The following FBXL7 variants were observed in gnomAD, a reference collection of about 807,000 sequenced individuals.
FBXL7 encodes F-box/LRR-repeat protein 7.
Under a neutral mutation model 38.3 loss-of-function variants are expected in FBXL7, and 12 were observed. The ratio of observed to expected loss-of-function variants is 0.31; its 90% CI spans 0.20 to 0.51. The LOEUF is 0.51. Among genes scored for constraint, FBXL7 ranks in the 20% least tolerant of loss-of-function variants. FBXL7 has a pLI of 0.98. For synonymous variants in FBXL7, 297 were observed against 300.9 expected (o/e 0.99, Z 0.13); for missense variants, 567 against 676.4 (o/e 0.84, Z 1.79).
At chr5:15,704,000 G>A (rs1261877294) in intron 2 of FBXL7, among the ~76,000 whole-genome samples, 1 of 152,192 alleles carries the variant, frequency 6.6e-6, no homozygotes, top group Non-Finnish European at 1.5e-5. Context: ...TTAGTAGAGG[G>A]CTGGTAATTG....
chr5:15,640,503 T>G (rs765349408), intron 2 of FBXL7, among the ~76,000 whole-genome samples: 3 of 151,754 alleles, frequency 2.0e-5, no homozygotes, highest in Non-Finnish European at 4.4e-5. Flanking sequence ...CATTCTGAGG[T>G]ACTGGGGGTT....
chr5:15,815,309 G>A (rs912014289), intron 2 of FBXL7, among the ~76,000 whole-genome samples: 6 of 152,150 alleles, frequency 3.9e-5, no homozygotes, highest in African/African-American at 1.2e-4. Context: ...ACTTTGAATA[G>A]AGTTTCAACA....
At chr5:15,550,878 C>T (rs374446797) in intron 1 of FBXL7, among the ~76,000 whole-genome samples, 6 of 152,194 alleles carry the variant, frequency 3.9e-5, no homozygotes, top group African/African-American at 1.2e-4. Flanking sequence ...TGCCCACTCG[C>T]CTTATTTCTG....
intron 2 of FBXL7, among the ~76,000 whole-genome samples, chr5:15,692,087 G>A (rs956992412): frequency 3.3e-5 from 5 of 152,154 alleles, no homozygotes; most frequent in Admixed American, 2.0e-4. Context: ...GCCAGAGAAT[G>A]GAAGTGAGAG....
chr5:15,702,929 G>A (rs1282417877), intron 2 of FBXL7, among the ~76,000 whole-genome samples: 1 of 152,158 alleles, frequency 6.6e-6, no homozygotes, highest in African/African-American at 2.4e-5. Context: ...TCTCTGGCGG[G>A]CAGGAGTGGG....
chr5:15,596,593 CT>C (rs1411411194), intron 1 of FBXL7, among the ~76,000 whole-genome samples: 1 of 152,156 alleles, frequency 6.6e-6, no homozygotes, highest in Non-Finnish European at 1.5e-5. Context: ...CCATATATTC[CT>C]ATTCCAAACC....
intron 2 of FBXL7, among the ~76,000 whole-genome samples, chr5:15,671,737 G>A (rs1044133434): frequency 1.3e-5 from 2 of 152,290 alleles, no homozygotes; most frequent in East Asian, 1.9e-4. Context: ...GTCAATGGTG[G>A]TATAATTTAG....
intron 1 of FBXL7, among the ~76,000 whole-genome samples, chr5:15,560,281 T>A (rs931731107): frequency 6.6e-5 from 10 of 152,314 alleles, no homozygotes; most frequent in African/African-American, 2.4e-4. Context: ...TCTGCTTAAG[T>A]AGGGTGAGAT....
rs552754802 is a variant in FBXL7 at position 15,582,950 on chromosome 5, T to TG, written c.38-33032dup. Among the ~76,000 whole-genome samples, 24 of 151,976 alleles carry TG rather than the reference T, an allele frequency of 1.6e-4. No individual in the cohort carries two copies. The East Asian group carries it at 4.1e-3, about 26-fold the overall frequency. On this transcript the variant is annotated intron_variant, in intron 1 of 3. Transcript: ENST00000504595. Reference sequence around the variant, plus strand: ...CTTGGCTCATGTTTTTTTTTTTTTTTGTGGGGATGTTGTATTAGTCTATTT... The same window carrying TG: ...CTTGGCTCATGTTTTTTTTTTTTTTTGGTGGGGATGTTGTATTAGTCTATTT...
intron 2 of FBXL7, among the ~76,000 whole-genome samples, chr5:15,778,750 G>A (rs940780270): frequency 3.1e-4 from 47 of 151,986 alleles, no homozygotes; most frequent in African/African-American, 1.0e-3. Context: ...CGATGCTCCC[G>A]CTAGCTTTCT....
At chr5:15,621,164 C>A (rs1740628038) in intron 2 of FBXL7, among the ~76,000 whole-genome samples, 1 of 152,188 alleles carries the variant, frequency 6.6e-6, no homozygotes, top group Admixed American at 6.5e-5. Context: ...GAGACTAAAG[C>A]CACAGCCCTT....
intron 2 of FBXL7, among the ~76,000 whole-genome samples, chr5:15,897,844 G>A (rs2126402822): frequency 6.6e-6 from 1 of 152,262 alleles, no homozygotes; most frequent in Admixed American, 6.5e-5. Flanking sequence ...GATAGCAGCT[G>A]TGTTTTTAAA....
intron 2 of FBXL7, among the ~76,000 whole-genome samples, chr5:15,670,658 C>T (rs567092298): frequency 7.9e-5 from 12 of 151,996 alleles, no homozygotes; most frequent in African/African-American, 1.2e-4. Context: ...ACACTTAGTC[C>T]GGTGCAATGG....
chr5:15,889,893 A>G (rs992214368), intron 2 of FBXL7, among the ~76,000 whole-genome samples: 3 of 152,114 alleles, frequency 2.0e-5, no homozygotes, highest in African/African-American at 7.3e-5. Context: ...GATACAAACA[A>G]TACACAAACA....
intron 2 of FBXL7, among the ~76,000 whole-genome samples, chr5:15,906,365 T>C (rs1741362251): frequency 6.6e-6 from 1 of 151,568 alleles, no homozygotes; most frequent in Non-Finnish European, 1.5e-5. Flanking sequence ...GCTGTTGAGA[T>C]ATGGGTGCTT....
intron 1 of FBXL7, among the ~76,000 whole-genome samples, chr5:15,567,092 C>T (rs1738600901): frequency 6.6e-6 from 1 of 152,138 alleles, no homozygotes; most frequent in African/African-American, 2.4e-5. Flanking sequence ...AGGGCAACAA[C>T]ATCCTGAATT....
At chr5:15,648,458 A>G (rs1478841292) in intron 2 of FBXL7, among the ~76,000 whole-genome samples, 4 of 152,314 alleles carry the variant, frequency 2.6e-5, no homozygotes, top group East Asian at 1.9e-4. Flanking sequence ...ATTTTTTCCC[A>G]GTAGCATAAC....
intron 2 of FBXL7, among the ~76,000 whole-genome samples, chr5:15,833,677 T>C (rs1738516289): frequency 6.6e-6 from 1 of 152,198 alleles, no homozygotes. Flanking sequence ...TTTGCCGTTT[T>C]TCTGTGTGAT....
Position 15,581,936 on chromosome 5 carries a change from G to A in FBXL7, c.38-34047G>A, listed in dbSNP as rs1739155450. 4.6e-5 allele frequency among the ~76,000 whole-genome samples: 7 copies of A among 152,062 alleles called. No homozygotes were observed. The South Asian group carries it at 1.5e-3, about 32-fold the overall frequency. On this transcript the variant is annotated intron_variant, in intron 1 of 3. Coordinates refer to ENST00000504595, the MANE Select transcript of FBXL7 (RefSeq NM_012304.5). Reference sequence around the variant, plus strand: ...ACTCTTTGAGCTAAAATACATTCCAGATAGATGATTTCTTTTTTTGAAACA... The same window carrying A: ...ACTCTTTGAGCTAAAATACATTCCAAATAGATGATTTCTTTTTTTGAAACA...
Sources: allele counts gnomAD v4.1 joint callset (sites outside exome capture counted in the v4.1 genomes callset), GRCh38; gene constraint gnomAD v4.1.1; transcripts MANE v1.5; gene names NCBI Gene and HGNC (gene_info 2026-07-23, HGNC 2026-07-21).